Variants in CFAP36 observed in about 807,000 individuals in gnomAD.
The protein encoded by CFAP36 is cilia and flagella associated protein 36.
A neutral mutation model predicts 50.5 loss-of-function variants in CFAP36; 37 were observed. The ratio of observed to expected loss-of-function variants is 0.73; its 90% CI spans 0.56 to 0.96. The LOEUF is 0.96. Among genes scored for constraint, CFAP36 ranks in the 50% least tolerant of loss-of-function variants. The probability of loss-of-function intolerance (pLI) is 0.00; values close to 1 mark genes in which losing one functional copy is unlikely to be tolerated. For missense variants in CFAP36, 407 were observed against 396.2 expected (o/e 1.03, Z -0.23); for synonymous variants, 138 against 128.2 (o/e 1.08, Z -0.52).
At position 55,544,886 on chromosome 2, in the gene CFAP36, A is replaced by C. The variant is rs1164364553; in HGVS notation, c.928-21A>C. ...AATTACCCTATTTCATACTGTAGCC[A>C]ATTTTTTCTTTTTTTTTCAGGAAAT... On this transcript the variant is annotated intron_variant, in intron 9 of 9. Transcript: ENST00000349456. 3.9e-6 allele frequency: 6 copies of C among 1,529,302 alleles called. No homozygotes were observed. The South Asian group carries it at 7.3e-5, about 19-fold the overall frequency. The allele number at this position is 1,529,302 out of a possible 1,614,324, so 94.7% of individuals were successfully genotyped here. A position where few individuals can be genotyped will look rare whatever the true frequency, so the allele number is the denominator to read the frequency against.
chr2:55,530,812 C>A (rs1574618071), intron 4 of CFAP36, among the ~76,000 whole-genome samples: 3 of 152,176 alleles, frequency 2.0e-5, no homozygotes. Context: ...CGGCCCATAA[C>A]CTCTTTAATG....
chr2:55,531,228 A>G (rs1312990804), intron 4 of CFAP36: 2 of 152,216 alleles, frequency 1.3e-5, no homozygotes. Context: ...ATTTTCCTGA[A>G]AACTATGCTT....
intron 2 of CFAP36, among the ~76,000 whole-genome samples, chr2:55,523,405 A>T (rs1415153234): frequency 6.6e-6 from 1 of 151,852 alleles, no homozygotes; most frequent in Non-Finnish European, 1.5e-5. Flanking sequence ...ACAGAGTGAG[A>T]CTCCATCTCA....
intron 5 of CFAP36, 53 bp from the exon 6 acceptor site, chr2:55,535,659 T>G (rs1684461583): frequency 7.4e-7 from 1 of 1,347,144 alleles, no homozygotes; most frequent in African/African-American, 1.5e-5. Context: ...GAATATTTGT[T>G]CTTTGACCAA....
At chr2:55,520,714 T>C (rs1460486770) in intron 1 of CFAP36, among the ~76,000 whole-genome samples, 1 of 152,204 alleles carries the variant, frequency 6.6e-6, no homozygotes, top group Non-Finnish European at 1.5e-5. Context: ...CCAAGCGTTA[T>C]TGTGGTTGTT....
At chr2:55,539,948 T>A (rs1212341602) in intron 7 of CFAP36, among the ~76,000 whole-genome samples, 3 of 152,222 alleles carry the variant, frequency 2.0e-5, no homozygotes, top group Admixed American at 2.0e-4. Context: ...CCCATTATAT[T>A]TGTTGGGTTG....
At chr2:55,527,069 A>G (rs1245126663) in intron 3 of CFAP36, among the ~76,000 whole-genome samples, 2 of 152,086 alleles carry the variant, frequency 1.3e-5, no homozygotes, top group East Asian at 3.9e-4. Flanking sequence ...TGTTATTGGT[A>G]TGCCCACATT....
At chr2:55,530,359 G>T (rs1470525428) in intron 4 of CFAP36, among the ~76,000 whole-genome samples, 1 of 152,164 alleles carries the variant, frequency 6.6e-6, no homozygotes. Flanking sequence ...CCAGTCTCGG[G>T]TATGTCTTTA....
At chr2:55,539,768 GC>G (rs2103665638) in intron 7 of CFAP36, among the ~76,000 whole-genome samples, 1 of 152,304 alleles carries the variant, frequency 6.6e-6, no homozygotes, top group African/African-American at 2.4e-5. Context: ...TTGCATCCTT[GC>G]CAGCATTTGG....
intron 5 of CFAP36, 139 bp from the exon 6 acceptor site, chr2:55,535,573 G>A (rs1684459276): frequency 3.0e-5 from 19 of 640,030 alleles, no homozygotes; most frequent in Non-Finnish European, 4.3e-5. Context: ...CCACTTTAGA[G>A]CAAGGCTTGA....
intron 9 of CFAP36, among the ~76,000 whole-genome samples, chr2:55,544,649 G>A (rs905106154): frequency 6.6e-6 from 1 of 152,086 alleles, no homozygotes; most frequent in Non-Finnish European, 1.5e-5. Flanking sequence ...TGTTTCACCT[G>A]GGCATTCTGA....
intron 7 of CFAP36, among the ~76,000 whole-genome samples, chr2:55,541,239 G>A (rs889386167): frequency 3.3e-5 from 5 of 152,078 alleles, no homozygotes; most frequent in Middle Eastern, 3.2e-3. Flanking sequence ...CAGGAGAATC[G>A]CTTGAACCCG....
intron 7 of CFAP36, among the ~76,000 whole-genome samples, chr2:55,543,450 CA>C (rs1176518445): frequency 6.6e-6 from 1 of 151,982 alleles, no homozygotes; most frequent in African/African-American, 2.4e-5. Flanking sequence ...TAATTATAAA[CA>C]AAAATTATTG....
At chr2:55,535,004 G>C (rs1684446000) in intron 5 of CFAP36, among the ~76,000 whole-genome samples, 1 of 152,200 alleles carries the variant, frequency 6.6e-6, no homozygotes. Flanking sequence ...AGAATGCTTT[G>C]AGTTTACAGG....
intron 6 of CFAP36, among the ~76,000 whole-genome samples, chr2:55,536,974 C>T (rs1003082893): frequency 1.2e-4 from 18 of 152,142 alleles, no homozygotes; most frequent in Non-Finnish European, 2.5e-4. Flanking sequence ...AACTCCTGAC[C>T]TCAGGTGATC....
At chr2:55,529,977 A>G (rs1684312929) in intron 4 of CFAP36, among the ~76,000 whole-genome samples, 1 of 152,178 alleles carries the variant, frequency 6.6e-6, no homozygotes, top group Admixed American at 6.6e-5. Flanking sequence ...GCTGAAGCAC[A>G]TATGGCTGCC....
rs1308247963 is a variant in CFAP36 at position 55,533,977 on chromosome 2, G to GT, written c.485+23dup. On this transcript the variant is annotated intron_variant, in intron 5 of 9. Transcript: ENST00000349456. ...AGTTCTTAGGTACCATTCTTTAATT[G>GT]TTTTTTAAATGAATCATTATTAATA... 5 of 1,464,502 alleles carry GT rather than the reference G, an allele frequency of 3.4e-6. No homozygotes were observed. The highest frequency in any genetic ancestry group is 4.5e-5 in the East Asian group (2 of 44,006). The allele number at this position is 1,464,502 out of a possible 1,614,324, so 90.7% of individuals were successfully genotyped here. A position where few individuals can be genotyped will look rare whatever the true frequency, so the allele number is the denominator to read the frequency against.
intron 7 of CFAP36, among the ~76,000 whole-genome samples, chr2:55,543,459 T>C (rs1031215063): frequency 6.6e-6 from 1 of 152,214 alleles, no homozygotes; most frequent in African/African-American, 2.4e-5. Flanking sequence ...ACAAAAATTA[T>C]TGACATTACT....
intron 7 of CFAP36, chr2:55,538,732 T>C: frequency 1.3e-6 from 2 of 1,514,198 alleles, no homozygotes; most frequent in South Asian, 1.2e-5. Context: ...CATGAGCCAC[T>C]GTACCCATCC....
Sources: allele counts gnomAD v4.1 joint callset (sites outside exome capture counted in the v4.1 genomes callset), GRCh38; gene constraint gnomAD v4.1.1; transcripts MANE v1.5; gene names NCBI Gene and HGNC (gene_info 2026-07-23, HGNC 2026-07-21).